Variants in XRCC6 observed in about 807,000 individuals in gnomAD.
The protein encoded by XRCC6 is DNA repair protein Ku70.
A neutral mutation model predicts 65.7 loss-of-function variants in XRCC6; 5 were observed. The observed-to-expected ratio is 0.08, with a 90% CI of 0.04 to 0.16. XRCC6 has a LOEUF of 0.16. Ranked by LOEUF, XRCC6 falls within the 10% of genes least tolerant of loss-of-function variation. The pLI is 1.00. For synonymous variants in XRCC6, 270 were observed against 270.6 expected (o/e 1.00, Z 0.02); for missense variants, 447 against 738.1 (o/e 0.61, Z 4.57).
At chr22:41,640,297 C>T (rs1020295647) in intron 6 of XRCC6, among the ~76,000 whole-genome samples, 3 of 151,946 alleles carry the variant, frequency 2.0e-5, no homozygotes, top group Non-Finnish European at 2.9e-5. Flanking sequence ...TACAGGCACC[C>T]GCCACCACGC....
At chr22:41,646,746 A>T (rs996521504) in intron 6 of XRCC6, 150 bp from the exon 7 acceptor site, 14 of 642,668 alleles carry the variant, frequency 2.2e-5, no homozygotes, top group Non-Finnish European at 3.4e-5. Context: ...AGCAAATTCG[A>T]TTGTATTATT....
At chr22:41,656,765 C>A in intron 9 of XRCC6, 138 bp from the exon 10 acceptor site, 4 of 1,060,066 alleles carry the variant, frequency 3.8e-6, no homozygotes, top group Admixed American at 2.8e-5. Flanking sequence ...CAAAAACCAG[C>A]TGGTGGAGTT....
At chr22:41,638,834 AG>A (rs2147087465) in intron 6 of XRCC6, among the ~76,000 whole-genome samples, 1 of 151,804 alleles carries the variant, frequency 6.6e-6, no homozygotes, top group East Asian at 1.9e-4. Flanking sequence ...ATACCTGCAT[AG>A]GGCACTTACC....
intron 3 of XRCC6, among the ~76,000 whole-genome samples, chr22:41,633,447 G>T (rs1218445926): frequency 6.6e-6 from 1 of 151,440 alleles, no homozygotes; most frequent in Non-Finnish European, 1.5e-5. Context: ...CTGGCTCTTG[G>T]CTCACTGCAA....
chr22:41,651,361 A>ATTTTTTTTTTTTTTTTTT (rs764795746), intron 8 of XRCC6, among the ~76,000 whole-genome samples: 2 of 49,758 alleles, frequency 4.0e-5, no homozygotes, highest in South Asian at 7.0e-4. Flanking sequence ...AGTTAAACAG[A>ATTTTTTTTTTTTTTTTTT]TTTTTTTTTT....
At chr22:41,627,596 C>T (rs1174192468) in intron 2 of XRCC6, among the ~76,000 whole-genome samples, 3 of 119,326 alleles carry the variant, frequency 2.5e-5, no homozygotes, top group African/African-American at 1.0e-4. Flanking sequence ...GGCAACAGAG[C>T]GAGACTCCGT....
chr22:41,662,137 A>G (rs1228365276), intron 12 of XRCC6, among the ~76,000 whole-genome samples: 2 of 152,186 alleles, frequency 1.3e-5, no homozygotes, highest in Non-Finnish European at 2.9e-5. Context: ...AAATAGAATG[A>G]TTAAGATCTA....
chr22:41,642,113 A>G (rs1053370897), intron 6 of XRCC6, among the ~76,000 whole-genome samples: 6 of 152,116 alleles, frequency 3.9e-5, no homozygotes, highest in Non-Finnish European at 7.3e-5. Flanking sequence ...CTTTTGATGG[A>G]CACTTAGGTC....
chr22:41,629,982 GCT>G (rs2067721730), intron 3 of XRCC6, among the ~76,000 whole-genome samples: 1 of 114,566 alleles, frequency 8.7e-6, no homozygotes, highest in African/African-American at 3.8e-5. Context: ...GTGCATTTAT[GCT>G]TTTTTTTTTT....
At chr22:41,625,867 T>C (rs1192512573) in intron 2 of XRCC6, among the ~76,000 whole-genome samples, 2 of 152,164 alleles carry the variant, frequency 1.3e-5, no homozygotes, top group East Asian at 3.9e-4. Flanking sequence ...TTATTTGAGA[T>C]GGAATCTCTG....
At chr22:41,657,332 A>G (rs2068053793) in intron 10 of XRCC6, among the ~76,000 whole-genome samples, 1 of 152,124 alleles carries the variant, frequency 6.6e-6, no homozygotes, top group South Asian at 2.1e-4. Context: ...TTATTCCACA[A>G]TGAGCAAAAG....
intron 3 of XRCC6, among the ~76,000 whole-genome samples, chr22:41,630,365 C>T (rs2067726712): frequency 6.6e-6 from 1 of 151,988 alleles, no homozygotes; most frequent in African/African-American, 2.4e-5. Flanking sequence ...CCCACCTCAG[C>T]CTCCTGTGTG....
chr22:41,624,293 C>T (rs902117827), intron 2 of XRCC6, among the ~76,000 whole-genome samples: 2 of 152,034 alleles, frequency 1.3e-5, no homozygotes, highest in Non-Finnish European at 2.9e-5. Context: ...GAGGCTGAGG[C>T]ACGAGAATTG....
chr22:41,644,796 C>T (rs1201778662), intron 6 of XRCC6, among the ~76,000 whole-genome samples: 1 of 152,020 alleles, frequency 6.6e-6, no homozygotes, highest in East Asian at 1.9e-4. Context: ...GCCTGCAGAA[C>T]ACATTTTCAA....
intron 3 of XRCC6, among the ~76,000 whole-genome samples, chr22:41,631,255 G>A (rs2067745206): frequency 6.7e-6 from 1 of 150,326 alleles, no homozygotes; most frequent in Non-Finnish European, 1.5e-5. Context: ...GGGGCGGCTG[G>A]CCTGGCTGGG....
At position 41,653,603 on chromosome 22, in the gene XRCC6, C is replaced by T; in HGVS notation, c.1204C>T (p.Pro402Ser). The T allele has an allele frequency of 6.2e-7, 1 of 1,614,104 alleles. No individual in the cohort carries two copies. Among genetic ancestry groups the T allele is most frequent in the Non-Finnish European group, 8.5e-7 (1 of 1,180,020 alleles). ...KEVAALCRYT[P>S]RRNIPPYFVA... Reference sequence around the variant, plus strand: ...GGTTGCAGCATTGTGCAGATACACACCCCGCAGGAACATCCCTCCTTATTT... The same window carrying T: ...GGTTGCAGCATTGTGCAGATACACATCCCGCAGGAACATCCCTCCTTATTT... Residue 402 changes from proline (P) to serine (S), a missense_variant, in exon 9 of 13, where the codon CCC (proline) becomes TCC (serine). This residue lies in a region of XRCC6 where 201 missense variants were observed against 374.1 expected (regional missense o/e 0.54). Transcript: ENST00000360079.
At position 41,637,703 on chromosome 22, in the gene XRCC6, C is replaced by T. The variant is rs2067824260; in HGVS notation, c.685C>T (p.Leu229Phe). The change falls in exon 6 of 13, where the codon CTC (leucine) becomes TTC (phenylalanine). Residue 229 changes from leucine (L) to phenylalanine (F), a missense_variant. Physicochemically the swap from Leu to Phe is conservative, Grantham distance 22. This residue lies in a region of XRCC6 where 228 missense variants were observed against 307.4 expected (regional missense o/e 0.74). Coordinates refer to ENST00000360079, the MANE Select transcript of XRCC6 (RefSeq NM_001469.5). ...DIISIAEDED[L>F]RVHFEESSKL... ...CATCAGCATAGCAGAGGATGAGGAC[C>T]TCAGGGTTCACTTTGAGGAATCCAG... is the stretch of plus-strand genomic sequence containing the variant. 1.2e-6 allele frequency: 2 copies of T among 1,613,664 alleles called. No homozygotes were observed. The highest frequency in any genetic ancestry group is 3.3e-5 in the Admixed American group (2 of 59,904).
At chr22:41,641,780 G>T (rs1335799599) in intron 6 of XRCC6, among the ~76,000 whole-genome samples, 1 of 152,034 alleles carries the variant, frequency 6.6e-6, no homozygotes, top group Non-Finnish European at 1.5e-5. Flanking sequence ...CATTTATGTT[G>T]TTACCAATGA....
intron 2 of XRCC6, among the ~76,000 whole-genome samples, chr22:41,625,183 T>C (rs1028180906): frequency 1.3e-5 from 2 of 151,696 alleles, no homozygotes; most frequent in Non-Finnish European, 2.9e-5. Context: ...CGCATGCCTG[T>C]AATCCTGCTA....
Sources: gnomAD v4.1 joint callset for allele counts (sites outside exome capture counted in the v4.1 genomes callset) on GRCh38, gnomAD v4.1.1 for gene constraint, gnomAD v4.1.1 regional missense constraint, MANE v1.5 for transcripts, NCBI Gene and HGNC (gene_info 2026-07-23, HGNC 2026-07-21) for gene names.